The following TMEM181 variants were observed in gnomAD, a reference collection of about 807,000 sequenced individuals.
TMEM181 encodes transmembrane protein 181, also known as G protein-coupled receptor 178.
In TMEM181, 39 loss-of-function variants were observed where a neutral mutation model predicts 71.9. That is an observed-to-expected ratio of 0.54 (90% CI 0.42 to 0.71). The LOEUF is 0.71. Among genes scored for constraint, TMEM181 ranks in the 30% least tolerant of loss-of-function variants. The pLI is 0.00. For synonymous variants in TMEM181, 245 were observed against 228.8 expected (o/e 1.07, Z -0.64); for missense variants, 595 against 583.0 (o/e 1.02, Z -0.21).
In TMEM181 at chr6:158,634,089, T is replaced by C. The variant is rs1232443851; in HGVS notation, c.*2201T>C. The C allele has an allele frequency of 6.6e-6, 1 of 152,238 alleles. No homozygotes were observed. The highest frequency in any genetic ancestry group is 1.5e-5 in the Non-Finnish European group (1 of 68,040). 9.4% of individuals were successfully genotyped at this position (152,238 alleles called of 1,614,324 possible). ...ACTATTATCTTCATACATTGAGTCT[T>C]CATGCATCAATGAAATGAAAAATAT... On this transcript the variant is annotated 3_prime_UTR_variant, in exon 17 of 17. Coordinates refer to ENST00000684151, the MANE Select transcript of TMEM181 (RefSeq NM_001376852.1).
At position 158,631,491 on chromosome 6, in the gene TMEM181, G is replaced by T. The variant is rs1583065550; in HGVS notation, c.1349+102G>T. 6 of 1,296,468 alleles carry T rather than the reference G, an allele frequency of 4.6e-6. No homozygotes were observed. The East Asian group carries it at 1.4e-4, about 30-fold the overall frequency. 80.3% of individuals were successfully genotyped at this position (1,296,468 alleles called of 1,614,324 possible). On this transcript the variant is annotated intron_variant, in intron 16 of 16. Transcript: ENST00000684151. ...TCTTCTAAAATTATTTTCAAGGTAT[G>T]AAGGCATTTACCTTGGAGTGTCAAG...
In TMEM181 at chr6:158,605,327, G is replaced by A; in HGVS notation, c.553G>A (p.Val185Met). The change falls in exon 7 of 17, where the codon GTG (valine) becomes ATG (methionine). Residue 185 changes from valine to methionine, a missense_variant. Val to Met is a conservative substitution (Grantham distance 21). Transcript: ENST00000684151. The stretch of plus-strand genomic sequence containing the variant: ...AATCTGGTTCCGGTTTTTCTTTGTG[G>A]TGCTCACCTTCATCGTCACTGTGAG... ...LEIWFRFFFV[V>M]LTFIVTCLFA... 1 of 1,613,874 alleles carries A rather than the reference G, an allele frequency of 6.2e-7. No homozygotes were observed. The highest frequency in any genetic ancestry group is 8.5e-7 in the Non-Finnish European group (1 of 1,179,990).
chr6:158,634,443 AGTTC>A lies in TMEM181; in HGVS notation c.*2556_*2559del, dbSNP rs1786827083. 6.6e-6 allele frequency: 1 copy of A among 152,148 alleles called. No individual in the cohort carries two copies. The highest frequency in any genetic ancestry group is 2.4e-5 in the African/African-American group (1 of 41,424). The allele number at this position is 152,148 out of a possible 1,614,324, so 9.4% of individuals were successfully genotyped here. A position where few individuals can be genotyped will look rare whatever the true frequency, so the allele number is the denominator to read the frequency against. ...TTTGCGAACTTAAAGGGCTGACTTT[AGTTC>A]CTTCATGGTAATGGCTTGAGTAACA... On this transcript the variant is annotated 3_prime_UTR_variant, in exon 17 of 17. Coordinates refer to ENST00000684151, the MANE Select transcript of TMEM181 (RefSeq NM_001376852.1).
chr6:158,569,717 C>T (rs1351533992), intron 1 of TMEM181, among the ~76,000 whole-genome samples: 1 of 152,012 alleles, frequency 6.6e-6, no homozygotes, highest in Non-Finnish European at 1.5e-5. Flanking sequence ...TCTCCTGCTT[C>T]AGCCTCCCAA....
intron 2 of TMEM181, among the ~76,000 whole-genome samples, chr6:158,576,553 C>T (rs1404967286): frequency 4.6e-5 from 7 of 152,002 alleles, no homozygotes; most frequent in African/African-American, 1.5e-4. Flanking sequence ...ACTGCTAATA[C>T]AGGGAAATTT....
chr6:158,623,689 C>T (rs1269585101), intron 11 of TMEM181, 82 bp downstream of exon 11: 10 of 1,038,346 alleles, frequency 9.6e-6, no homozygotes, highest in Non-Finnish European at 1.4e-5. Context: ...TTAAATTGTT[C>T]TGTTGAGCTT....
intron 8 of TMEM181, among the ~76,000 whole-genome samples, chr6:158,608,132 G>A (rs1474355333): frequency 1.3e-5 from 2 of 152,238 alleles, no homozygotes; most frequent in African/African-American, 4.8e-5. Context: ...CTGGTAGTGA[G>A]CTCAGACCCT....
intron 1 of TMEM181, among the ~76,000 whole-genome samples, chr6:158,553,948 C>T (rs1385234488): frequency 6.6e-6 from 1 of 151,992 alleles, no homozygotes; most frequent in Admixed American, 6.6e-5. Context: ...GCTCTGTTGC[C>T]CAGGCTGGAG....
At chr6:158,625,965 C>T (rs1015102078) in intron 13 of TMEM181, among the ~76,000 whole-genome samples, 1 of 152,210 alleles carries the variant, frequency 6.6e-6, no homozygotes, top group Admixed American at 6.5e-5. Context: ...AGGACTGGAG[C>T]ACGTTCACTT....
chr6:158,589,452 T>C (rs1783977196), intron 5 of TMEM181, among the ~76,000 whole-genome samples: 1 of 152,218 alleles, frequency 6.6e-6, no homozygotes, highest in African/African-American at 2.4e-5. Context: ...AAGATTCTAA[T>C]TGGTGTAAAT....
intron 6 of TMEM181, among the ~76,000 whole-genome samples, chr6:158,590,678 G>C (rs1191083413): frequency 1.3e-5 from 2 of 152,190 alleles, no homozygotes; most frequent in Non-Finnish European, 2.9e-5. Flanking sequence ...TGGCCAGGAT[G>C]GTCTTGATCT....
chr6:158,583,588 C>T (rs1783596015), intron 3 of TMEM181, among the ~76,000 whole-genome samples: 1 of 152,156 alleles, frequency 6.6e-6, no homozygotes, highest in African/African-American at 2.4e-5. Flanking sequence ...ATCACCAGGT[C>T]AGGAGATCGA....
intron 3 of TMEM181, among the ~76,000 whole-genome samples, chr6:158,582,447 A>G (rs561451116): frequency 6.6e-6 from 1 of 152,166 alleles, no homozygotes; most frequent in Non-Finnish European, 1.5e-5. Context: ...ATTAAGACAC[A>G]AAAACACATT....
intron 2 of TMEM181, among the ~76,000 whole-genome samples, chr6:158,578,290 T>A (rs1266900505): frequency 6.6e-6 from 1 of 152,212 alleles, no homozygotes; most frequent in African/African-American, 2.4e-5. Context: ...TGAAGCCATA[T>A]GATTTCAGTA....
rs533879897 is a variant in TMEM181, at chr6:158,606,443, C to T, written c.574-801C>T. On this transcript the variant is annotated intron_variant, in intron 7 of 16. Transcript: ENST00000684151. ...CTTCTTCTCAAAGGCTCTCTGATGCCCTGAGATTCTCCTGCCACACTCTGG... is the reference window on the plus strand; with the variant it reads ...CTTCTTCTCAAAGGCTCTCTGATGCTCTGAGATTCTCCTGCCACACTCTGG... 3.8e-3 allele frequency among the ~76,000 whole-genome samples: 572 copies of T among 152,272 alleles called. 1 individual carries two copies. Among genetic ancestry groups the T allele is most frequent in the Non-Finnish European group, 6.7e-3 (457 of 68,012 alleles).
chr6:158,571,885 C>T (rs1478395377), intron 1 of TMEM181, among the ~76,000 whole-genome samples: 1 of 152,210 alleles, frequency 6.6e-6, no homozygotes, highest in Non-Finnish European at 1.5e-5. Context: ...GAGTTTGCTC[C>T]CTGAGGTCAT....
At chr6:158,631,515 A>G (rs957348366) in intron 16 of TMEM181, 126 bp downstream of exon 16, 5 of 1,067,628 alleles carry the variant, frequency 4.7e-6, no homozygotes, top group African/African-American at 3.1e-5. Flanking sequence ...TGGAGTGTCA[A>G]GTGGCTCGTG....
At chr6:158,627,221 C>T (rs1562316071) in intron 13 of TMEM181, among the ~76,000 whole-genome samples, 1 of 152,176 alleles carries the variant, frequency 6.6e-6, no homozygotes, top group Non-Finnish European at 1.5e-5. Context: ...CCCTCACCCT[C>T]AAATTACCTA....
intron 6 of TMEM181, among the ~76,000 whole-genome samples, chr6:158,598,579 C>G (rs963966531): frequency 1.3e-5 from 2 of 151,754 alleles, no homozygotes; most frequent in Admixed American, 6.6e-5. Flanking sequence ...CTTGCTACAT[C>G]GTTGTCATTT....
Sources: gnomAD v4.1 joint callset for allele counts (sites outside exome capture counted in the v4.1 genomes callset) on GRCh38, gnomAD v4.1.1 for gene constraint, MANE v1.5 for transcripts, NCBI Gene and HGNC (gene_info 2026-07-23, HGNC 2026-07-21) for gene names.